Variants in RAB12 observed in about 807,000 individuals in gnomAD.
RAB12 encodes the protein ras-related protein Rab-12.
Under a neutral mutation model 28.4 loss-of-function variants are expected in RAB12, and 11 were observed. The observed-to-expected ratio is 0.39, with a 90% CI of 0.24 to 0.64. The LOEUF is 0.64. Ranked by LOEUF, RAB12 falls within the 30% of genes least tolerant of loss-of-function variation. The pLI, the probability that RAB12 is intolerant of heterozygous loss-of-function variation, is 0.50. For missense variants in RAB12, 276 were observed against 351.1 expected (o/e 0.79, Z 1.71); for synonymous variants, 138 against 145.3 (o/e 0.95, Z 0.36).
intron 1 of RAB12, among the ~76,000 whole-genome samples, chr18:8,620,139 C>CTTTTTTTTTTTTTTTT (rs71165795): frequency 4.3e-4 from 23 of 53,948 alleles, no homozygotes; most frequent in Admixed American, 1.1e-3. Context: ...TTTTCTTCTT[C>CTTTTTTTTTTTTTTTT]TTTTTTTTTT....
intron 1 of RAB12, among the ~76,000 whole-genome samples, chr18:8,612,478 C>G (rs1232278101): frequency 6.6e-6 from 1 of 152,122 alleles, no homozygotes. Flanking sequence ...GCAAGAGTCT[C>G]TTCCACAGTA....
rs554265377 is a variant in RAB12, at chr18:8,630,780, C to T, written c.576-2409C>T. ...AAAGGAGCAGTTGGGTAATAATGAA[C>T]TTTACCATATTTGCAAACCTATCTG... is the stretch of plus-strand genomic sequence containing the variant. On this transcript the variant is annotated intron_variant, in intron 2 of 5. Transcript: ENST00000649141. Among the ~76,000 whole-genome samples the T allele has an allele frequency of 2.0e-5, 3 of 152,348 alleles. No individual in the cohort carries two copies. In the South Asian group the frequency reaches 6.2e-4, roughly 32 times the overall value.
chr18:8,616,659 C>G (rs115014231), intron 1 of RAB12, among the ~76,000 whole-genome samples: 2,181 of 151,704 alleles, frequency 0.014, 62 homozygotes, highest in African/African-American at 0.05. Flanking sequence ...TGTCGATTGG[C>G]TAAAGAATCA....
chr18:8,611,722 A>T (rs1410059602), intron 1 of RAB12, among the ~76,000 whole-genome samples: 3 of 152,288 alleles, frequency 2.0e-5, no homozygotes, highest in South Asian at 2.1e-4. Context: ...GCTGCGGAGG[A>T]TGCTTGGGAA....
In RAB12 at chr18:8,622,411, A is replaced by T. The variant is rs185408291; in HGVS notation, c.515-2527A>T. On this transcript the variant is annotated intron_variant, in intron 1 of 5. Coordinates refer to ENST00000649141, the MANE Select transcript of RAB12 (RefSeq NM_001025300.3). ...ACAGAGTACAAAAGAGAGAAATTTT[A>T]AAGCTGGGCATCCAGGGGAGACGTC... 1.2e-3 allele frequency among the ~76,000 whole-genome samples: 178 copies of T among 152,340 alleles called. 2 individuals carry two copies. The highest frequency in any genetic ancestry group is 3.7e-3 in the African/African-American group (153 of 41,572).
At chr18:8,636,928 G>A (rs2096019283) in intron 5 of RAB12, among the ~76,000 whole-genome samples, 1 of 152,164 alleles carries the variant, frequency 6.6e-6, no homozygotes, top group Non-Finnish European at 1.5e-5. Flanking sequence ...GTTATTAAGT[G>A]AAATTTGCTC....
chr18:8,626,130 G>A (rs1444137574), intron 2 of RAB12, among the ~76,000 whole-genome samples: 2 of 152,158 alleles, frequency 1.3e-5, no homozygotes, highest in Non-Finnish European at 2.9e-5. Flanking sequence ...TGAAACATTA[G>A]GTCTTGTCTA....
intron 3 of RAB12, 57 bp downstream of exon 3, chr18:8,633,384 T>C: frequency 6.3e-7 from 1 of 1,585,232 alleles, no homozygotes; most frequent in Non-Finnish European, 8.6e-7. Context: ...TCTTAATCAT[T>C]ATTAAAAGAA....
intron 1 of RAB12, among the ~76,000 whole-genome samples, chr18:8,621,976 T>A (rs572511674): frequency 1.3e-5 from 2 of 152,356 alleles, no homozygotes; most frequent in East Asian, 3.9e-4. Flanking sequence ...AGCCTTTTAT[T>A]TTTATTCATT....
chr18:8,623,541 G>C (rs373989006), intron 1 of RAB12, among the ~76,000 whole-genome samples: 1 of 152,236 alleles, frequency 6.6e-6, no homozygotes, highest in African/African-American at 2.4e-5. Flanking sequence ...TATTTTGTGC[G>C]TCTTGTGTAG....
chr18:8,626,136 G>A (rs931941060), intron 2 of RAB12, among the ~76,000 whole-genome samples: 3 of 152,316 alleles, frequency 2.0e-5, no homozygotes, highest in Non-Finnish European at 4.4e-5. Flanking sequence ...ATTAGGTCTT[G>A]TCTAAATACT....
chr18:8,624,525 T>C (rs1382141725), intron 1 of RAB12, among the ~76,000 whole-genome samples: 1 of 152,270 alleles, frequency 6.6e-6, no homozygotes, highest in Non-Finnish European at 1.5e-5. Flanking sequence ...GCTATTTGAC[T>C]AAAGTTGATT....
At position 8,639,117 on chromosome 18, in the gene RAB12, A is replaced by G. The variant is rs1460928590; in HGVS notation, c.*855A>G. 3 of 113,538 alleles carry G rather than the reference A, an allele frequency of 2.6e-5. No individual in the cohort carries two copies. Among genetic ancestry groups the G allele is most frequent in the Admixed American group, 1.1e-4 (1 of 9,400 alleles). The allele number at this position is 113,538 out of a possible 1,614,324, so 7.0% of individuals were successfully genotyped here. On this transcript the variant is annotated 3_prime_UTR_variant, in exon 6 of 6. Transcript: ENST00000649141. Reference sequence around the variant, plus strand: ...AAAACTTCCCCCTTCTTTACGGTGAAGCTTATTCTGATTAAGCCTAGACTG... The same window carrying G: ...AAAACTTCCCCCTTCTTTACGGTGAGGCTTATTCTGATTAAGCCTAGACTG...
At chr18:8,610,723 G>C (rs1236542851) in intron 1 of RAB12, among the ~76,000 whole-genome samples, 3 of 152,182 alleles carry the variant, frequency 2.0e-5, no homozygotes, top group African/African-American at 7.2e-5. Flanking sequence ...TTCTCAGTTG[G>C]ATGTGGGTAG....
chr18:8,636,368 GA>G lies in RAB12; in HGVS notation c.909+13del. Reference sequence around the variant, plus strand: ...GACATTCTGAAAAAGGTAAAAAAAAGAATCTACATTATAAAAGTATATCATC... The same window carrying G: ...GACATTCTGAAAAAGGTAAAAAAAAGATCTACATTATAAAAGTATATCATC... On this transcript the variant is annotated intron_variant, in intron 5 of 5. Transcript: ENST00000649141. The G allele has an allele frequency of 6.9e-7, 1 of 1,444,286 alleles. No homozygotes were observed. The highest frequency in any genetic ancestry group is 1.4e-5 in the African/African-American group (1 of 70,742). 89.5% of individuals were successfully genotyped at this position (1,444,286 alleles called of 1,614,324 possible). A position where few individuals can be genotyped will look rare whatever the true frequency, so the allele number is the denominator to read the frequency against.
intron 1 of RAB12, among the ~76,000 whole-genome samples, chr18:8,612,141 G>T (rs2096004182): frequency 6.6e-6 from 1 of 152,248 alleles, no homozygotes. Flanking sequence ...GTCCAGAAGT[G>T]GATCGGAGCT....
At chr18:8,624,786 GATAC>G (rs2096011769) in intron 1 of RAB12, 148 bp from the exon 2 acceptor site, 3 of 611,382 alleles carry the variant, frequency 4.9e-6, no homozygotes, top group Non-Finnish European at 8.7e-6. Flanking sequence ...CACTGGTGCA[GATAC>G]TGCTTTTCCT....
chr18:8,616,708 TAAAAAG>T lies in RAB12; in HGVS notation c.514+6761_514+6766del, dbSNP rs962379323. ...AAATTTTCACTTTTAATTTTTTACT[TAAAAAG>T]AAAAAAGAGCAGCCTGGGCTACATG... On this transcript the variant is annotated intron_variant, in intron 1 of 5. Coordinates refer to ENST00000649141, the MANE Select transcript of RAB12 (RefSeq NM_001025300.3). 1.7e-4 allele frequency among the ~76,000 whole-genome samples: 23 copies of T among 136,884 alleles called. No homozygotes were observed. In the South Asian group the frequency reaches 3.4e-3, roughly 20 times the overall value. The allele number at this position is 136,884 out of a possible 152,430, so 89.8% of individuals were successfully genotyped here. A position where few individuals can be genotyped will look rare whatever the true frequency, so the allele number is the denominator to read the frequency against.
At chr18:8,632,831 C>A (rs2096016803) in intron 2 of RAB12, 4 of 226,356 alleles carry the variant, frequency 1.8e-5, no homozygotes, top group South Asian at 6.8e-5. Flanking sequence ...AAAACTTTTC[C>A]CCCATTTTAT....
Sources: allele counts gnomAD v4.1 joint callset (sites outside exome capture counted in the v4.1 genomes callset), GRCh38; gene constraint gnomAD v4.1.1; transcripts MANE v1.5; gene names NCBI Gene and HGNC (gene_info 2026-07-23, HGNC 2026-07-21).